Variants in TMEM63A observed in about 807,000 individuals in gnomAD.
The protein encoded by TMEM63A is mechanosensitive cation channel TMEM63A.
TMEM63A carries 76 observed loss-of-function variants against 100.6 expected under a neutral mutation model. The ratio of observed to expected loss-of-function variants is 0.76; its 90% CI spans 0.63 to 0.91. The LOEUF (loss-of-function observed/expected upper bound fraction) is 0.91. TMEM63A is among the 40% of genes least tolerant of loss of function. The pLI, the probability that TMEM63A is intolerant of heterozygous loss-of-function variation, is 0.00. For missense variants in TMEM63A, 876 were observed against 1,008.8 expected (o/e 0.87, Z 1.78); for synonymous variants, 401 against 401.1 (o/e 1.00, Z 0.00).
intron 3 of TMEM63A, among the ~76,000 whole-genome samples, chr1:225,875,926 C>T (rs1033250056): frequency 6.6e-6 from 1 of 151,782 alleles, no homozygotes; most frequent in African/African-American, 2.4e-5. Context: ...ATAACCCAGA[C>T]ACGGTGGCAT....
intron 14 of TMEM63A, 185 bp downstream of exon 14, chr1:225,860,675 A>C (rs571036227): frequency 3.9e-6 from 2 of 506,616 alleles, no homozygotes; most frequent in East Asian, 7.0e-5. Flanking sequence ...GGAACACTGG[A>C]GGGAAGGGCT....
chr1:225,849,034 C>G (rs1669181123), intron 21 of TMEM63A, 22 bp from the exon 22 acceptor site: 1 of 1,196,512 alleles, frequency 8.4e-7, no homozygotes, highest in African/African-American at 1.5e-5. Flanking sequence ...GGGTGGCTAG[C>G]CTTGGGGTGG....
downstream of TMEM63A, among the ~76,000 whole-genome samples, chr1:225,843,920 C>A (rs1161809062): frequency 2.0e-5 from 3 of 152,112 alleles, no homozygotes. Context: ...CTCCCTGCTG[C>A]TGTTGCTAGA....
chr1:225,871,361 T>G (rs11807830), intron 5 of TMEM63A, among the ~76,000 whole-genome samples: 100 of 152,280 alleles, frequency 6.6e-4, no homozygotes, highest in African/African-American at 2.3e-3. Context: ...TGATGAAAGC[T>G]CAGGGCAGCT....
chr1:225,879,799 G>A (rs1257924647), intron 1 of TMEM63A, among the ~76,000 whole-genome samples: 1 of 152,234 alleles, frequency 6.6e-6, no homozygotes, highest in Admixed American at 6.5e-5. Context: ...ATGCTACTGG[G>A]GAGGCTCCCC....
At chr1:225,876,063 CAAAAAAAAAAAAAAAAAAAAAAAAAA>C (rs532420561) in intron 3 of TMEM63A, among the ~76,000 whole-genome samples, 6 of 32,896 alleles carry the variant, frequency 1.8e-4, no homozygotes, top group African/African-American at 2.3e-4. Context: ...GACCTTGTCT[CAAAAAAAAAAAAAAAAAAAAAAAAAA>C]AAAAAAAAAA....
downstream of TMEM63A, among the ~76,000 whole-genome samples, chr1:225,844,854 G>C (rs1435738213): frequency 6.6e-6 from 1 of 152,184 alleles, no homozygotes; most frequent in Admixed American, 6.5e-5. Context: ...CCCAGTCTAG[G>C]ATGCTGGTCT....
Position 225,878,879 on chromosome 1 carries a change from CCT to C in TMEM63A, c.-15+339_-15+340del, listed in dbSNP as rs1374502368. ...ACATGGACACCTACCTACCTACCTA[CCT>C]ACCTACACACACACACACACACACA... On this transcript the variant is annotated intron_variant, in intron 2 of 24. Coordinates refer to ENST00000366835, the MANE Select transcript of TMEM63A (RefSeq NM_014698.3). Among the ~76,000 whole-genome samples the C allele has an allele frequency of 2.1e-3, 215 of 103,114 alleles. 1 individual carries two copies. Among genetic ancestry groups the C allele is most frequent in the Middle Eastern group, 0.014 (3 of 210 alleles). The allele number at this position is 103,114 out of a possible 152,430, so 67.6% of individuals were successfully genotyped here.
At chr1:225,858,754 A>T (rs1669775528) in intron 15 of TMEM63A, among the ~76,000 whole-genome samples, 1 of 152,104 alleles carries the variant, frequency 6.6e-6, no homozygotes, top group Non-Finnish European at 1.5e-5. Context: ...CATGATAGAC[A>T]TGCCTCACTG....
chr1:225,844,352 G>A (rs1052371375), downstream of TMEM63A: 20 of 1,291,896 alleles, frequency 1.5e-5, no homozygotes, highest in African/African-American at 2.9e-4. Context: ...GCCTGCCTGT[G>A]ACACGAGGAT....
intron 20 of TMEM63A, among the ~76,000 whole-genome samples, chr1:225,851,483 C>T (rs953288046): frequency 1.3e-5 from 2 of 152,126 alleles, no homozygotes; most frequent in African/African-American, 4.8e-5. Context: ...GATTCTCCTA[C>T]CTCAGCCTCC....
chr1:225,845,460 T>A (rs903626358), downstream of TMEM63A: 4 of 1,149,566 alleles, frequency 3.5e-6, no homozygotes, highest in Admixed American at 6.2e-5. Context: ...CTGCCCATGC[T>A]GGGAGCCCAC....
chr1:225,868,095 T>C, intron 6 of TMEM63A, 65 bp from the exon 7 acceptor site: 3 of 1,585,618 alleles, frequency 1.9e-6, no homozygotes, highest in Non-Finnish European at 2.6e-6. Context: ...GCATGAAGTG[T>C]CTCATATCAT....
intron 23 of TMEM63A, 66 bp downstream of exon 23, chr1:225,848,426 T>C (rs1669133606): frequency 1.3e-6 from 2 of 1,562,052 alleles, no homozygotes; most frequent in Non-Finnish European, 8.8e-7. Context: ...GCCCATCTGG[T>C]TGGGACTGTT....
chr1:225,846,981 C>T (rs1576060105), intron 24 of TMEM63A, 49 bp from the exon 25 acceptor site: 2 of 1,540,424 alleles, frequency 1.3e-6, no homozygotes, highest in East Asian at 4.5e-5. Context: ...GGCCGCTTCA[C>T]CTGTCTTCTC....
At position 225,862,850 on chromosome 1, in the gene TMEM63A, C is replaced by A. The variant is rs1670013717; in HGVS notation, c.748G>T (p.Asp250Tyr). 6.2e-7 allele frequency: 1 copy of A among 1,613,640 alleles called. No homozygotes were observed. Among genetic ancestry groups the A allele is most frequent in the South Asian group, 1.1e-5 (1 of 91,026 alleles). ...RKETVESHFR[D>Y]AYPTCEVVDV... ...ACCACCTCACACGTGGGATACGCGT[C>A]CCTGTGGCCAGGGAGAGAAGGAGGC... The change falls in exon 11 of 25, where the codon GAC (aspartate) becomes TAC (tyrosine). Residue 250 changes from aspartate to tyrosine, a missense_variant and splice_region_variant. By Grantham distance (160) the Asp-to-Tyr change is radical. Transcript: ENST00000366835. This position sits in a 1 kb window ranked among gnomAD's most constrained non-coding sequence, Gnocchi z 5.1.
intron 6 of TMEM63A, among the ~76,000 whole-genome samples, chr1:225,868,706 A>T (rs534020006): frequency 6.6e-6 from 1 of 150,920 alleles, no homozygotes; most frequent in African/African-American, 2.4e-5. Context: ...AAAAAAAAAA[A>T]GAATAAAGTT....
intron 5 of TMEM63A, 139 bp from the exon 6 acceptor site, chr1:225,871,252 C>G (rs1437903712): frequency 1.2e-6 from 1 of 835,992 alleles, no homozygotes; most frequent in Non-Finnish European, 1.9e-6. Context: ...ATTCAGCAAG[C>G]ATGAGCCCAG....
Position 225,852,984 on chromosome 1 carries a change from CTAG to C in TMEM63A, c.1798-218_1798-216del, listed in dbSNP as rs927904188. On this transcript the variant is annotated intron_variant, in intron 19 of 24. Coordinates refer to ENST00000366835, the MANE Select transcript of TMEM63A (RefSeq NM_014698.3). Reference sequence around the variant, plus strand: ...CCCGAGGCATGGTGATGCGTGTTTGCTAGTGCTCCCTTCGTTCCACCCAACAGG... The same window carrying C: ...CCCGAGGCATGGTGATGCGTGTTTGCTGCTCCCTTCGTTCCACCCAACAGG... Among the ~76,000 whole-genome samples, 5 of 152,342 alleles carry C rather than the reference CTAG, an allele frequency of 3.3e-5. No individual in the cohort carries two copies. In the South Asian group the frequency reaches 6.2e-4, roughly 19 times the overall value.
Sources: allele counts gnomAD v4.1 joint callset (sites outside exome capture counted in the v4.1 genomes callset), GRCh38; gene constraint gnomAD v4.1.1; non-coding constraint Gnocchi (gnomAD v3.1); transcripts MANE v1.5; gene names NCBI Gene and HGNC (gene_info 2026-07-23, HGNC 2026-07-21).